The following QKI variants were observed in gnomAD, a reference collection of about 807,000 sequenced individuals.
The protein encoded by QKI is QKI, KH domain containing RNA binding.
In QKI, 10 loss-of-function variants were observed where a neutral mutation model predicts 39.0. That is an observed-to-expected ratio of 0.26 (90% CI 0.16 to 0.43). QKI has a LOEUF of 0.43. QKI is among the 20% of genes least tolerant of loss of function. QKI has a pLI of 1.00. For synonymous variants in QKI, 204 were observed against 155.4 expected, an observed-to-expected ratio of 1.31 and a Z score of -2.33; for missense variants, 218 against 428.0, an observed-to-expected ratio of 0.51 and a Z score of 4.33.
intron 1 of QKI, among the ~76,000 whole-genome samples, chr6:163,433,087 A>T (rs1788964159): frequency 6.6e-6 from 1 of 152,224 alleles, no homozygotes; most frequent in Non-Finnish European, 1.5e-5. Flanking sequence ...CATGTTGGTA[A>T]AAGGCACAAG....
rs143445986 is a variant in QKI at position 163,422,751 on chromosome 6, G to A, written c.142+7416G>A. On this transcript the variant is annotated intron_variant, in intron 1 of 7. Coordinates refer to ENST00000361752, the MANE Select transcript of QKI (RefSeq NM_006775.3). ...GAGTACTGGGGCTGGTTAAGTTCCA[G>A]CTGAGAAAGGTTGGCCCCGGGATTG... Among the ~76,000 whole-genome samples the A allele has an allele frequency of 3.7e-3, 562 of 152,302 alleles. 6 individuals are homozygous for A. The highest frequency in any genetic ancestry group is 0.012 in the African/African-American group (510 of 41,552).
In QKI at chr6:163,422,377, T is replaced by C. The variant is rs905115882; in HGVS notation, c.142+7042T>C. On this transcript the variant is annotated intron_variant, in intron 1 of 7. Transcript: ENST00000361752. ...GTAAGATTTATATCACATTATTTAT[T>C]ATAAGCAGAATGTGTCATATTCTGC... Among the ~76,000 whole-genome samples, 8 of 152,322 alleles carry C rather than the reference T, an allele frequency of 5.3e-5. No homozygotes were observed. In the East Asian group the frequency reaches 1.5e-3, roughly 29 times the overall value.
chr6:163,432,252 A>C (rs1012318389), intron 1 of QKI, among the ~76,000 whole-genome samples: 1 of 152,200 alleles, frequency 6.6e-6, no homozygotes, highest in African/African-American at 2.4e-5. Flanking sequence ...ATTGATGTTA[A>C]ACCAAAGACA....
At chr6:163,454,619 C>T (rs554343170) in intron 1 of QKI, among the ~76,000 whole-genome samples, 39 of 152,100 alleles carry the variant, frequency 2.6e-4, no homozygotes, top group Non-Finnish European at 4.7e-4. Context: ...TCCTGCCTAC[C>T]TCCATTTCTT....
intron 2 of QKI, among the ~76,000 whole-genome samples, chr6:163,474,613 G>A (rs1009775057): frequency 1.3e-5 from 2 of 151,618 alleles, no homozygotes; most frequent in African/African-American, 4.8e-5. Flanking sequence ...ACAAGTAAAG[G>A]CACAATCAAA....
chr6:163,513,812 G>A (rs552384769), intron 3 of QKI, among the ~76,000 whole-genome samples: 1 of 152,200 alleles, frequency 6.6e-6, no homozygotes, highest in African/African-American at 2.4e-5. Context: ...GAAGACCTAG[G>A]ACTTCTGAAT....
chr6:163,418,433 T>A (rs1787716761), intron 1 of QKI, among the ~76,000 whole-genome samples: 1 of 152,302 alleles, frequency 6.6e-6, no homozygotes, highest in Non-Finnish European at 1.5e-5. Flanking sequence ...ACCTTTAGTC[T>A]GTATCTTGAC....
At chr6:163,553,713 G>C (rs934150181) in intron 4 of QKI, among the ~76,000 whole-genome samples, 2 of 152,120 alleles carry the variant, frequency 1.3e-5, no homozygotes, top group African/African-American at 4.8e-5. Flanking sequence ...TTATTATTGA[G>C]ACTTGGCTTT....
intron 4 of QKI, among the ~76,000 whole-genome samples, chr6:163,559,878 A>G (rs1782888981): frequency 6.6e-6 from 1 of 152,180 alleles, no homozygotes; most frequent in Non-Finnish European, 1.5e-5. Flanking sequence ...GAACAAGACT[A>G]TGTCAGAAAA....
intron 4 of QKI, among the ~76,000 whole-genome samples, chr6:163,548,547 T>G (rs2128245557): frequency 6.6e-6 from 1 of 152,308 alleles, no homozygotes; most frequent in South Asian, 2.1e-4. Flanking sequence ...AGGTAAATAT[T>G]GTGGTATATA....
rs1035007113 is a variant in QKI at position 163,577,091 on chromosome 6, A to T, written c.*6381A>T. On this transcript the variant is annotated 3_prime_UTR_variant, in exon 8 of 8. Coordinates refer to ENST00000361752, the MANE Select transcript of QKI (RefSeq NM_006775.3). Reference sequence around the variant, plus strand: ...ACCTGTTGAACAGAATTGGTTTATTAAAAAAATCATTTCCAGTAGTGTGAA... The same window carrying T: ...ACCTGTTGAACAGAATTGGTTTATTTAAAAAATCATTTCCAGTAGTGTGAA... The T allele has an allele frequency of 3.3e-5, 5 of 152,200 alleles. No individual in the cohort carries two copies. Among genetic ancestry groups the T allele is most frequent in the East Asian group, 3.8e-4 (2 of 5,200 alleles). The allele number at this position is 152,200 out of a possible 1,614,324, so 9.4% of individuals were successfully genotyped here. A position where few individuals can be genotyped will look rare whatever the true frequency, so the allele number is the denominator to read the frequency against.
At chr6:163,428,802 T>G (rs1788607719) in intron 1 of QKI, among the ~76,000 whole-genome samples, 1 of 152,074 alleles carries the variant, frequency 6.6e-6, no homozygotes, top group Admixed American at 6.5e-5. Flanking sequence ...CTTCAGTGAC[T>G]TGAAATTGAA....
chr6:163,556,227 T>C (rs1782597146), intron 4 of QKI, among the ~76,000 whole-genome samples: 1 of 152,162 alleles, frequency 6.6e-6, no homozygotes, highest in Non-Finnish European at 1.5e-5. Flanking sequence ...ACATAGTTGA[T>C]GATGGCTGGG....
chr6:163,445,061 C>CA (rs1562440591), intron 1 of QKI, among the ~76,000 whole-genome samples: 1 of 152,158 alleles, frequency 6.6e-6, no homozygotes, highest in Non-Finnish European at 1.5e-5. Context: ...CACACCACCA[C>CA]ACCTGGCTAA....
At chr6:163,549,845 C>T (rs904727169) in intron 4 of QKI, among the ~76,000 whole-genome samples, 2 of 152,188 alleles carry the variant, frequency 1.3e-5, no homozygotes, top group Non-Finnish European at 2.9e-5. Context: ...GAAAAAATTA[C>T]CTTCTTTTAC....
rs1189279434 is a variant in QKI at position 163,458,392 on chromosome 6, C to T, written c.285+2971C>T. 2.0e-5 allele frequency among the ~76,000 whole-genome samples: 3 copies of T among 152,236 alleles called. No homozygotes were observed. The East Asian group carries it at 5.8e-4, about 29-fold the overall frequency. ...CTATGTGTCACAAGCTCTATGAGGGCAGGAATCTTTTTGTCTTTCAGTGCT... is the reference window on the plus strand; with the variant it reads ...CTATGTGTCACAAGCTCTATGAGGGTAGGAATCTTTTTGTCTTTCAGTGCT... On this transcript the variant is annotated intron_variant, in intron 2 of 7. Transcript: ENST00000361752.
At chr6:163,558,663 T>C (rs1782803718) in intron 4 of QKI, among the ~76,000 whole-genome samples, 2 of 151,962 alleles carry the variant, frequency 1.3e-5, no homozygotes, top group Non-Finnish European at 2.9e-5. Flanking sequence ...CCTCCCAAAG[T>C]GTTGGGATTA....
intron 1 of QKI, among the ~76,000 whole-genome samples, chr6:163,425,342 A>G (rs1300161510): frequency 2.0e-5 from 3 of 152,222 alleles, no homozygotes; most frequent in East Asian, 3.9e-4. Context: ...GATAGAGACT[A>G]CAGAAAGCAG....
chr6:163,520,529 A>C (rs573878054), intron 3 of QKI, among the ~76,000 whole-genome samples: 1 of 151,906 alleles, frequency 6.6e-6, no homozygotes, highest in African/African-American at 2.4e-5. Flanking sequence ...AAACTATAGA[A>C]AAAAAAAGGT....
Sources: gnomAD v4.1 joint callset for allele counts (sites outside exome capture counted in the v4.1 genomes callset) on GRCh38, gnomAD v4.1.1 for gene constraint, MANE v1.5 for transcripts, NCBI Gene and HGNC (gene_info 2026-07-23, HGNC 2026-07-21) for gene names.